Variants in LGALS14 observed in about 807,000 individuals in gnomAD.
The protein encoded by LGALS14 is placental protein 13-like.
In LGALS14, 14 loss-of-function variants were observed where a neutral mutation model predicts 14.6. The ratio of observed to expected loss-of-function variants is 0.96; its 90% CI spans 0.64 to 1.50. The LOEUF (loss-of-function observed/expected upper bound fraction) is 1.50. Ranked by LOEUF, LGALS14 falls within the 40% of genes most tolerant of loss-of-function variation. The probability of loss-of-function intolerance (pLI) is 0.00; values close to 1 mark genes in which losing one functional copy is unlikely to be tolerated. For synonymous variants in LGALS14, 57 were observed against 63.9 expected, an observed-to-expected ratio of 0.89 and a Z score of 0.51; for missense variants, 180 against 172.0, an observed-to-expected ratio of 1.05 and a Z score of -0.26.
In LGALS14 at chr19:39,707,251, C is replaced by T; in HGVS notation, c.166C>T (p.Leu56=). The change falls in exon 3 of 4, where the codon CTG becomes TTG. Residue 56 remains leucine (L), a synonymous_variant. Coordinates refer to ENST00000392052, the MANE Select transcript of LGALS14 (RefSeq NM_020129.3). Reference sequence around the variant, plus strand: ...CTCAGATATTGCTTTCCAATTCCGACTGCACTTTGGTCATCCTGCAATCAT... The same window carrying T: ...CTCAGATATTGCTTTCCAATTCCGATTGCACTTTGGTCATCCTGCAATCAT... The part of the protein sequence containing the change: ...EDSDIAFQFR[L]HFGHPAIMNS... 6.2e-7 allele frequency: 1 copy of T among 1,614,084 alleles called. No homozygotes were observed. The highest frequency in any genetic ancestry group is 8.5e-7 in the Non-Finnish European group (1 of 1,179,920).
Position 39,707,367 on chromosome 19 carries a change from T to C in LGALS14, c.282T>C (p.Tyr94=). 6.2e-7 allele frequency: 1 copy of C among 1,614,066 alleles called. No homozygotes were observed. Among genetic ancestry groups the C allele is most frequent in the Non-Finnish European group, 8.5e-7 (1 of 1,179,888 alleles). The change falls in exon 3 of 4, where the codon TAT becomes TAC. Residue 94 remains tyrosine (Y), a synonymous_variant. Coordinates refer to ENST00000392052, the MANE Select transcript of LGALS14 (RefSeq NM_020129.3). ...EDGKPFELCI[Y]VRHKEYKVMV... ...GCAAACCATTTGAGCTGTGCATCTATGTGCGTCACAAGGAATACAAGGTGA... is the reference window on the plus strand; with the variant it reads ...GCAAACCATTTGAGCTGTGCATCTACGTGCGTCACAAGGAATACAAGGTGA...
At chr19:39,704,835 G>A (rs1361403322) in intron 1 of LGALS14, among the ~76,000 whole-genome samples, 4 of 152,122 alleles carry the variant, frequency 2.6e-5, no homozygotes, top group Admixed American at 6.6e-5. Context: ...CACCAGGACC[G>A]GCAAGTGTGT....
intron 1 of LGALS14, among the ~76,000 whole-genome samples, chr19:39,704,801 A>C (rs1002085547): frequency 6.6e-6 from 1 of 151,970 alleles, no homozygotes; most frequent in Non-Finnish European, 1.5e-5. Context: ...AGATTAAGTG[A>C]CTTTAGGTGG....
chr19:39,709,321 G>A lies in LGALS14; in HGVS notation c.*8G>A. 1 of 1,434,840 alleles carries A rather than the reference G, an allele frequency of 7.0e-7. No individual in the cohort carries two copies. The highest frequency in any genetic ancestry group is 9.8e-7 in the Non-Finnish European group (1 of 1,016,892). The allele number at this position is 1,434,840 out of a possible 1,614,324, so 88.9% of individuals were successfully genotyped here. On this transcript the variant is annotated 3_prime_UTR_variant, in exon 4 of 4. Transcript: ENST00000392052. ...GTGCTTATCAGCGATTGAGGGAGAT[G>A]ATCAGACTCCTCATTGTTGAGGAAT...
At chr19:39,707,122 G>A (rs1973725773) in intron 2 of LGALS14, 56 bp from the exon 3 acceptor site, 1 of 1,313,738 alleles carries the variant, frequency 7.6e-7, no homozygotes, top group Non-Finnish European at 1.1e-6. Flanking sequence ...TGTGTGGCGA[G>A]TGTGTGTCTG....
At chr19:39,706,907 C>G (rs1181538620) in intron 2 of LGALS14, among the ~76,000 whole-genome samples, 3 of 152,106 alleles carry the variant, frequency 2.0e-5, no homozygotes, top group Non-Finnish European at 2.9e-5. Flanking sequence ...GGTTGTGGCT[C>G]TTTATTAAAG....
rs914698170 is a variant in LGALS14, at chr19:39,706,583, C to T, written c.16-14C>T. On this transcript the variant is annotated splice_polypyrimidine_tract_variant and intron_variant, in intron 1 of 3. Transcript: ENST00000392052. ...TTACCCTTTAGCTCTCACTCACTCTCCATACCCTGGCAGGTACCATACACA... is the reference window on the plus strand; with the variant it reads ...TTACCCTTTAGCTCTCACTCACTCTTCATACCCTGGCAGGTACCATACACA... 1 of 1,609,292 alleles carries T rather than the reference C, an allele frequency of 6.2e-7. No homozygotes were observed. Among genetic ancestry groups the T allele is most frequent in the Non-Finnish European group, 8.5e-7 (1 of 1,175,650 alleles).
chr19:39,705,875 A>T, intron 1 of LGALS14: 1 of 1,611,146 alleles, frequency 6.2e-7, no homozygotes, highest in Non-Finnish European at 8.5e-7. Flanking sequence ...AACCACTTGC[A>T]GTCGTCGTAG....
chr19:39,705,717 C>A, intron 1 of LGALS14: 1 of 564,588 alleles, frequency 1.8e-6, no homozygotes, highest in South Asian at 2.2e-5. Flanking sequence ...TGGCAGACAC[C>A]TTTCACCCCA....
chr19:39,705,479 G>A lies in LGALS14; in HGVS notation c.15+936G>A, dbSNP rs151312695. Among the ~76,000 whole-genome samples the A allele has an allele frequency of 4.0e-3, 605 of 152,284 alleles. 4 individuals carry two copies. The highest frequency in any genetic ancestry group is 6.6e-3 in the Non-Finnish European group (449 of 68,016). ...CCACTGTAAGCTCTGTCTGAACTGA[G>A]ACTAAACTTGTTCCTCCACTCATGA... On this transcript the variant is annotated intron_variant, in intron 1 of 3. Coordinates refer to ENST00000392052, the MANE Select transcript of LGALS14 (RefSeq NM_020129.3).
intron 1 of LGALS14, chr19:39,705,929 C>T (rs779150542): frequency 1.2e-6 from 2 of 1,613,870 alleles, no homozygotes; most frequent in Non-Finnish European, 1.7e-6. Context: ...CCACAGGCTT[C>T]ATTTGTGCAA....
chr19:39,705,963 A>T, intron 1 of LGALS14: 1 of 1,613,910 alleles, frequency 6.2e-7, no homozygotes. Context: ...GCTGTCAGTA[A>T]TGTGTGCCGC....
chr19:39,707,103 G>A (rs1481452314), intron 2 of LGALS14, 75 bp from the exon 3 acceptor site: 2 of 1,166,962 alleles, frequency 1.7e-6, no homozygotes, highest in Non-Finnish European at 2.6e-6. Context: ...AGGGGGGAAG[G>A]GATTTGTGTG....
intron 3 of LGALS14, among the ~76,000 whole-genome samples, chr19:39,707,655 T>C (rs1973736008): frequency 6.6e-6 from 1 of 152,206 alleles, no homozygotes; most frequent in Non-Finnish European, 1.5e-5. Flanking sequence ...TTTCTACTTA[T>C]GCCATTTTTA....
rs201397124 is a variant in LGALS14, at chr19:39,709,308, G to A, written c.415G>A (p.Asp139Asn). Residue 139 changes from aspartate to asparagine, a missense_variant, in exon 4 of 4, where the codon GAT (aspartate) becomes AAT (asparagine). Transcript: ENST00000392052. ...DISLTRVLISD is the reference protein window; with the variant it reads ...DISLTRVLISN ...CTCCCTGACCAGAGTGCTTATCAGC[G>A]ATTGAGGGAGATGATCAGACTCCTC... 80 of 1,516,646 alleles carry A rather than the reference G, an allele frequency of 5.3e-5. No homozygotes were observed. In the Admixed American group the frequency reaches 1.2e-3, roughly 22 times the overall value. The allele number at this position is 1,516,646 out of a possible 1,614,324, so 93.9% of individuals were successfully genotyped here.
intron 3 of LGALS14, among the ~76,000 whole-genome samples, chr19:39,708,008 C>T (rs1479532641): frequency 6.6e-6 from 1 of 152,118 alleles, no homozygotes; most frequent in Admixed American, 6.6e-5. Context: ...AAGAGTTTCA[C>T]CATGTTGGCC....
Position 39,707,274 on chromosome 19 carries a change from C to T in LGALS14, c.189C>T (p.Ile63=), listed in dbSNP as rs1196918495. 6.2e-7 allele frequency: 1 copy of T among 1,614,088 alleles called. No individual in the cohort carries two copies. Among genetic ancestry groups the T allele is most frequent in the South Asian group, 1.1e-5 (1 of 91,084 alleles). The change falls in exon 3 of 4, where the codon ATC becomes ATT. Residue 63 remains isoleucine, a synonymous_variant. Transcript: ENST00000392052. Reference sequence around the variant, plus strand: ...GACTGCACTTTGGTCATCCTGCAATCATGAACAGTTGTGTGTTTGGCATAT... The same window carrying T: ...GACTGCACTTTGGTCATCCTGCAATTATGAACAGTTGTGTGTTTGGCATAT... ...QFRLHFGHPA[I]MNSCVFGIWR...
chr19:39,709,333 CATT>C lies in LGALS14; in HGVS notation c.*21_*23del, dbSNP rs779692692. On this transcript the variant is annotated 3_prime_UTR_variant, in exon 4 of 4. Coordinates refer to ENST00000392052, the MANE Select transcript of LGALS14 (RefSeq NM_020129.3). ...GATTGAGGGAGATGATCAGACTCCT[CATT>C]GTTGAGGAATCCCTCTTTCTACCTG... 2 of 1,357,518 alleles carry C rather than the reference CATT, an allele frequency of 1.5e-6. No individual in the cohort carries two copies. The highest frequency in any genetic ancestry group is 2.1e-6 in the Non-Finnish European group (2 of 946,456). The allele number at this position is 1,357,518 out of a possible 1,614,324, so 84.1% of individuals were successfully genotyped here.
At chr19:39,705,756 G>T in intron 1 of LGALS14, 1 of 803,742 alleles carries the variant, frequency 1.2e-6, no homozygotes, top group South Asian at 1.8e-5. Flanking sequence ...GATGTGTGAG[G>T]ATCACTGCAG....
Sources: gnomAD v4.1 joint callset for allele counts (sites outside exome capture counted in the v4.1 genomes callset) on GRCh38, gnomAD v4.1.1 for gene constraint, MANE v1.5 for transcripts, NCBI Gene and HGNC (gene_info 2026-07-23, HGNC 2026-07-21) for gene names.